Variants in MTHFD1L observed in about 807,000 individuals in gnomAD.
MTHFD1L encodes the protein methylenetetrahydrofolate dehydrogenase (NADP+ dependent) 1 like.
MTHFD1L carries 81 observed loss-of-function variants against 119.5 expected under a neutral mutation model. That is an observed-to-expected ratio of 0.68 (90% confidence interval 0.57 to 0.82). MTHFD1L has a LOEUF of 0.82. Among genes scored for constraint, MTHFD1L ranks in the 40% least tolerant of loss-of-function variants. MTHFD1L has a pLI of 0.00. For synonymous variants in MTHFD1L, 430 were observed against 475.2 expected, an observed-to-expected ratio of 0.90 and a Z score of 1.24; for missense variants, 1,125 against 1,253.4, an observed-to-expected ratio of 0.90 and a Z score of 1.55.
chr6:151,027,304 C>T (rs2128515609), intron 24 of MTHFD1L, among the ~76,000 whole-genome samples: 1 of 152,150 alleles, frequency 6.6e-6, no homozygotes, highest in East Asian at 1.9e-4. Context: ...TCTCATTGTC[C>T]CCAATCCATC....
intron 19 of MTHFD1L, among the ~76,000 whole-genome samples, chr6:150,967,121 T>G (rs1008333372): frequency 6.6e-6 from 1 of 152,118 alleles, no homozygotes; most frequent in Non-Finnish European, 1.5e-5. Context: ...TGCCCCCACC[T>G]GCATCCTCAT....
chr6:150,972,146 C>T, intron 20 of MTHFD1L, 88 bp downstream of exon 20: 3 of 1,134,806 alleles, frequency 2.6e-6, no homozygotes, highest in African/African-American at 1.6e-5. Context: ...TCCATCCTGA[C>T]ATGAAACATA....
At position 150,922,286 on chromosome 6, in the gene MTHFD1L, C is replaced by T. The variant is rs775876412; in HGVS notation, c.1066C>T (p.Leu356Phe). The change falls in exon 10 of 28, where the codon CTC becomes TTC. Residue 356 changes from leucine to phenylalanine, a missense_variant. This residue lies in a region of MTHFD1L where 1,058 missense variants were observed against 1,151.2 expected (regional missense o/e 0.92). Coordinates refer to ENST00000367321, the MANE Select transcript of MTHFD1L (RefSeq NM_015440.5). Reference protein sequence around the residue: ...WRLHCLKLQPLSPVPSDIEIS... With the variant: ...WRLHCLKLQPFSPVPSDIEIS... ...ACTTCACTGCTTGAAACTTCAGCCT[C>T]TCTCCCCTGTGCCAAGGTAACACTG... 1.4e-5 allele frequency: 23 copies of T among 1,613,976 alleles called. No individual in the cohort carries two copies. Among genetic ancestry groups the T allele is most frequent in the Non-Finnish European group, 1.9e-5 (23 of 1,179,860 alleles).
rs1562348409 is a variant in MTHFD1L, at chr6:150,903,203, A to ATTCTTT, written c.781-2445_781-2444insCTTTTT. The stretch of plus-strand genomic sequence containing the variant: ...GATTGCTGGTGATATTGGCTGCAAA[A>ATTCTTT]TTTTTTTTTTTTTTTTTTTTTTTTT... On this transcript the variant is annotated intron_variant, in intron 7 of 27. Coordinates refer to ENST00000367321, the MANE Select transcript of MTHFD1L (RefSeq NM_015440.5). 3.7e-4 allele frequency among the ~76,000 whole-genome samples: 32 copies of ATTCTTT among 85,476 alleles called. 4 individuals carry two copies. Among genetic ancestry groups the ATTCTTT allele is most frequent in the African/African-American group, 9.0e-4 (18 of 19,990 alleles). The allele number at this position is 85,476 out of a possible 152,430, so 56.1% of individuals were successfully genotyped here.
intron 20 of MTHFD1L, among the ~76,000 whole-genome samples, chr6:151,002,516 C>A (rs961084997): frequency 2.6e-5 from 4 of 152,184 alleles, no homozygotes; most frequent in African/African-American, 9.7e-5. Flanking sequence ...CTGCCGCCGC[C>A]CATGCTGCCC....
At chr6:150,931,565 T>A (rs542849669) in intron 11 of MTHFD1L, among the ~76,000 whole-genome samples, 2 of 152,154 alleles carry the variant, frequency 1.3e-5, no homozygotes, top group Non-Finnish European at 2.9e-5. Context: ...TATTGTTAGA[T>A]AATAAAAGGC....
intron 27 of MTHFD1L, 60 bp downstream of exon 27, chr6:151,092,647 T>C: frequency 9.5e-7 from 1 of 1,052,408 alleles, no homozygotes; most frequent in South Asian, 1.5e-5. Flanking sequence ...TATCCTTTTT[T>C]TGTCATTTTT....
At chr6:151,054,519 C>T (rs1039302795) in intron 26 of MTHFD1L, among the ~76,000 whole-genome samples, 2 of 152,218 alleles carry the variant, frequency 1.3e-5, no homozygotes, top group Non-Finnish European at 2.9e-5. Context: ...ACATTCCCGG[C>T]CCCTCTCCGG....
chr6:151,026,005 A>G (rs12212544), intron 24 of MTHFD1L, among the ~76,000 whole-genome samples: 1 of 152,124 alleles, frequency 6.6e-6, no homozygotes, highest in Non-Finnish European at 1.5e-5. Flanking sequence ...CTTTTGTTCC[A>G]TTTCATTTTA....
intron 8 of MTHFD1L, among the ~76,000 whole-genome samples, chr6:150,906,328 G>T (rs175864): frequency 0.054 from 8,200 of 152,298 alleles, 251 homozygotes; most frequent in Middle Eastern, 0.099. Context: ...TTTTGCCAAG[G>T]TATCCAGGAA....
chr6:150,988,756 G>A (rs527390721), intron 20 of MTHFD1L, among the ~76,000 whole-genome samples: 35 of 152,170 alleles, frequency 2.3e-4, no homozygotes, highest in Non-Finnish European at 4.4e-4. Flanking sequence ...ACAGGCATGT[G>A]CCACCACACC....
At chr6:150,940,755 A>G (rs986089626) in intron 13 of MTHFD1L, among the ~76,000 whole-genome samples, 5 of 151,856 alleles carry the variant, frequency 3.3e-5, no homozygotes, top group Non-Finnish European at 5.9e-5. Context: ...TAATTTTTAT[A>G]TTTTAATACA....
In MTHFD1L at chr6:150,914,581, C is replaced by G. The variant is rs540572976; in HGVS notation, c.893-3996C>G. Among the ~76,000 whole-genome samples, 64 of 152,206 alleles carry G rather than the reference C, an allele frequency of 4.2e-4. 2 individuals carry two copies. Among genetic ancestry groups the G allele is most frequent in the Admixed American group, 4.0e-3 (61 of 15,292 alleles). On this transcript the variant is annotated intron_variant, in intron 8 of 27. Transcript: ENST00000367321. ...GGCTGAGGTGGACGGATTGCTTGAGCCTGGGAGGTCAAGGCTGCAATGATC... is the reference window on the plus strand; with the variant it reads ...GGCTGAGGTGGACGGATTGCTTGAGGCTGGGAGGTCAAGGCTGCAATGATC...
intron 26 of MTHFD1L, among the ~76,000 whole-genome samples, chr6:151,070,976 G>A (rs765010971): frequency 4.6e-5 from 7 of 152,164 alleles, no homozygotes; most frequent in Non-Finnish European, 8.8e-5. Context: ...CTACAGGGAG[G>A]AGAAGCAACT....
intron 20 of MTHFD1L, among the ~76,000 whole-genome samples, chr6:150,997,233 C>T (rs911432371): frequency 2.0e-5 from 3 of 152,164 alleles, no homozygotes; most frequent in Non-Finnish European, 4.4e-5. Flanking sequence ...GTGCCTGAGC[C>T]GATGAGTGCA....
intron 11 of MTHFD1L, among the ~76,000 whole-genome samples, chr6:150,928,957 C>A (rs1441933860): frequency 2.0e-5 from 3 of 152,162 alleles, no homozygotes; most frequent in African/African-American, 7.2e-5. Flanking sequence ...TGTGGCTTCA[C>A]CCTTCTCCCG....
At chr6:150,922,951 G>A (rs1354580964) in intron 10 of MTHFD1L, among the ~76,000 whole-genome samples, 2 of 151,948 alleles carry the variant, frequency 1.3e-5, no homozygotes, top group African/African-American at 4.8e-5. Flanking sequence ...GCCTGGCAGT[G>A]GTTTTTCTTC....
chr6:150,927,402 T>A (rs988540147), intron 11 of MTHFD1L, among the ~76,000 whole-genome samples: 5 of 151,866 alleles, frequency 3.3e-5, no homozygotes, highest in Non-Finnish European at 7.4e-5. Flanking sequence ...AATATTGAGC[T>A]ATGTCACCAT....
chr6:151,018,815 G>A (rs1186871262), intron 24 of MTHFD1L, among the ~76,000 whole-genome samples: 1 of 152,206 alleles, frequency 6.6e-6, no homozygotes, highest in Non-Finnish European at 1.5e-5. Context: ...GTTTACGGAA[G>A]GAAGGACACA....
Sources: allele counts gnomAD v4.1 joint callset (sites outside exome capture counted in the v4.1 genomes callset), GRCh38; gene constraint gnomAD v4.1.1; regional missense constraint gnomAD v4.1.1; transcripts MANE v1.5; gene names NCBI Gene and HGNC (gene_info 2026-07-23, HGNC 2026-07-21).